The following PRKN variants were observed in gnomAD, a reference collection of about 807,000 sequenced individuals.
The protein encoded by PRKN is E3 ubiquitin-protein ligase parkin.
In PRKN, 56 loss-of-function variants were observed where a neutral mutation model predicts 59.5. That is an observed-to-expected ratio of 0.94 (90% CI 0.76 to 1.18). The LOEUF (loss-of-function observed/expected upper bound fraction) is 1.18. Ranked by LOEUF, PRKN falls within the 50% of genes most tolerant of loss-of-function variation. The pLI is 0.00. For synonymous variants in PRKN, 250 were observed against 222.1 expected, an observed-to-expected ratio of 1.13 and a Z score of -1.12; for missense variants, 657 against 596.4, an observed-to-expected ratio of 1.10 and a Z score of -1.06.
At chr6:161,723,643 T>C (rs1190846609) in intron 7 of PRKN, among the ~76,000 whole-genome samples, 3 of 152,126 alleles carry the variant, frequency 2.0e-5, no homozygotes. Context: ...ACATGATCAA[T>C]GGCCTGCACA....
rs1396017280 is a variant in PRKN at position 161,386,210 on chromosome 6, G to C, written c.1167+584C>G. Among the ~76,000 whole-genome samples the C allele has an allele frequency of 1.3e-5, 2 of 152,236 alleles. No homozygotes were observed. Among genetic ancestry groups the C allele is most frequent in the South Asian group, 2.1e-4 (1 of 4,820 alleles). ...TTTTACTCTTTTTCCCTGAAGGTTTGGTTGATCCTAATTAATAAATAAAAT... is the reference window on the plus strand; with the variant it reads ...TTTTACTCTTTTTCCCTGAAGGTTTCGTTGATCCTAATTAATAAATAAAAT... On this transcript the variant is annotated intron_variant, in intron 10 of 11. Transcript: ENST00000366898. The surrounding 1 kb of genome is among the most constrained non-coding windows in gnomAD (Gnocchi z 4.3).
At chr6:162,187,071 T>C (rs546415575) in intron 4 of PRKN, among the ~76,000 whole-genome samples, 1 of 152,298 alleles carries the variant, frequency 6.6e-6, no homozygotes, top group East Asian at 1.9e-4. Flanking sequence ...CCAGAGTTTG[T>C]TAAAACAAAA....
chr6:161,382,809 C>A (rs1315551049), intron 10 of PRKN, among the ~76,000 whole-genome samples: 1 of 152,254 alleles, frequency 6.6e-6, no homozygotes, highest in South Asian at 2.1e-4. Flanking sequence ...TCAAAAAATA[C>A]ATTAAGTTTT....
At chr6:162,144,714 T>G (rs1781944781) in intron 4 of PRKN, among the ~76,000 whole-genome samples, 1 of 152,168 alleles carries the variant, frequency 6.6e-6, no homozygotes, top group Admixed American at 6.5e-5. Context: ...CTGCTGAGAA[T>G]TGCACCAATT....
chr6:162,725,838 T>C (rs1182220446), intron 1 of PRKN, among the ~76,000 whole-genome samples: 1 of 152,162 alleles, frequency 6.6e-6, no homozygotes, highest in Non-Finnish European at 1.5e-5. Context: ...GAATATTTTA[T>C]TGCACATTGT....
chr6:162,128,823 T>C (rs1342814887), intron 4 of PRKN, among the ~76,000 whole-genome samples: 1 of 152,186 alleles, frequency 6.6e-6, no homozygotes, highest in Non-Finnish European at 1.5e-5. Context: ...AGAGGTTGCA[T>C]AAAGAAGGTG....
Position 161,442,946 on chromosome 6 carries a change from A to G in PRKN, c.1084-56069T>C, listed in dbSNP as rs1789309778. Reference sequence around the variant, plus strand: ...GCAAGCCATTCTCCCCAGTGCACAGATGAGGAAATCGGGGCTCTGAGAGGT... The same window carrying G: ...GCAAGCCATTCTCCCCAGTGCACAGGTGAGGAAATCGGGGCTCTGAGAGGT... On this transcript the variant is annotated intron_variant, in intron 9 of 11. Coordinates refer to ENST00000366898, the MANE Select transcript of PRKN (RefSeq NM_004562.3). This position sits in a 1 kb window ranked among gnomAD's most constrained non-coding sequence, Gnocchi z 4.6. Among the ~76,000 whole-genome samples the G allele has an allele frequency of 6.6e-6, 1 of 152,188 alleles. No individual in the cohort carries two copies. Among genetic ancestry groups the G allele is most frequent in the Non-Finnish European group, 1.5e-5 (1 of 68,040 alleles).
intron 8 of PRKN, among the ~76,000 whole-genome samples, chr6:161,564,680 CTACACCA>C (rs1356635212): frequency 6.6e-6 from 1 of 152,198 alleles, no homozygotes; most frequent in Non-Finnish European, 1.5e-5. Context: ...ACCCATCAGC[CTACACCA>C]TGCACTATTT....
In PRKN at chr6:162,309,995, G is replaced by C. The variant is rs559716364; in HGVS notation, c.172-47230C>G. On this transcript the variant is annotated intron_variant, in intron 2 of 11. Coordinates refer to ENST00000366898, the MANE Select transcript of PRKN (RefSeq NM_004562.3). ...TTCCCTTCCTGAATTAGTTTGCTAA[G>C]GATAATGGCTTCCAGCTCCATCCAT... is the stretch of plus-strand genomic sequence containing the variant. 3.3e-5 allele frequency among the ~76,000 whole-genome samples: 5 copies of C among 152,236 alleles called. No homozygotes were observed. In the South Asian group the frequency reaches 8.3e-4, roughly 25 times the overall value.
chr6:161,932,570 A>G (rs1053123614), intron 6 of PRKN, among the ~76,000 whole-genome samples: 4 of 152,340 alleles, frequency 2.6e-5, no homozygotes, highest in Non-Finnish European at 4.4e-5. Flanking sequence ...GCTCGAGGGA[A>G]GCCAAATCTT....
chr6:162,308,306 G>GA (rs967637277), intron 2 of PRKN, among the ~76,000 whole-genome samples: 1 of 151,998 alleles, frequency 6.6e-6, no homozygotes, highest in African/African-American at 2.4e-5. Context: ...AATAGAAGGG[G>GA]AAAAAAAACT....
intron 1 of PRKN, among the ~76,000 whole-genome samples, chr6:162,450,351 T>TGTGAATATGAACGCCC (rs1248992544): frequency 5.4e-5 from 5 of 92,128 alleles, no homozygotes; most frequent in African/African-American, 1.6e-4. Flanking sequence ...GTAATCCCCC[T>TGTGAATATGAACGCCC]GTGAATGTAA....
intron 2 of PRKN, among the ~76,000 whole-genome samples, chr6:162,360,434 G>A (rs1002932571): frequency 6.6e-6 from 1 of 152,104 alleles, no homozygotes; most frequent in Non-Finnish European, 1.5e-5. Flanking sequence ...GGATTTTGAA[G>A]GAGAAAGGCT....
intron 1 of PRKN, among the ~76,000 whole-genome samples, chr6:162,718,150 T>C (rs1778798135): frequency 6.6e-6 from 1 of 152,036 alleles, no homozygotes; most frequent in African/African-American, 2.4e-5. Context: ...CTCACACATA[T>C]TTGTCCATCT....
intron 1 of PRKN, among the ~76,000 whole-genome samples, chr6:162,523,420 T>C (rs1481717890): frequency 2.0e-5 from 3 of 152,184 alleles, no homozygotes; most frequent in East Asian, 3.9e-4. Flanking sequence ...CCCAGCTCTT[T>C]GGGAGGCCGA....
chr6:162,552,347 T>C (rs1053811084), intron 1 of PRKN, among the ~76,000 whole-genome samples: 1 of 152,074 alleles, frequency 6.6e-6, no homozygotes, highest in African/African-American at 2.4e-5. Context: ...TAAGAGTACC[T>C]TGAACACTGT....
intron 2 of PRKN, among the ~76,000 whole-genome samples, chr6:162,340,147 T>TAAAA (rs11355851): frequency 6.9e-6 from 1 of 144,544 alleles, no homozygotes; most frequent in Non-Finnish European, 1.5e-5. Flanking sequence ...AAAAATAAAT[T>TAAAA]AAAAAAAAAA....
intron 1 of PRKN, among the ~76,000 whole-genome samples, chr6:162,495,770 G>A (rs1332263634): frequency 6.6e-6 from 1 of 152,074 alleles, no homozygotes; most frequent in Admixed American, 6.6e-5. Flanking sequence ...GACGTCCACA[G>A]GTGCTTCCAG....
intron 9 of PRKN, among the ~76,000 whole-genome samples, chr6:161,481,392 C>T (rs2115241185): frequency 6.6e-6 from 1 of 152,208 alleles, no homozygotes; most frequent in East Asian, 1.9e-4. Flanking sequence ...ATGATGAGGT[C>T]AAGAGATTGA....
Sources: allele counts gnomAD v4.1 joint callset (sites outside exome capture counted in the v4.1 genomes callset), GRCh38; gene constraint gnomAD v4.1.1; non-coding constraint Gnocchi (gnomAD v3.1); transcripts MANE v1.5; gene names NCBI Gene and HGNC (gene_info 2026-07-23, HGNC 2026-07-21).